Variants in NCKAP5 observed in about 807,000 individuals in gnomAD.
NCKAP5 encodes the protein NCK associated protein 5, also known as nck-associated protein 5.
A neutral mutation model predicts 167.0 loss-of-function variants in NCKAP5; 92 were observed. The observed-to-expected ratio is 0.55, with a 90% CI of 0.47 to 0.66. The LOEUF (loss-of-function observed/expected upper bound fraction) is 0.66, where lower values mean the gene tolerates loss of function less well. Among genes scored for constraint, NCKAP5 ranks in the 30% least tolerant of loss-of-function variants. The pLI is 0.00. For missense variants in NCKAP5, 2,378 were observed against 2,315.0 expected, an observed-to-expected ratio of 1.03 and a Z score of -0.56; for synonymous variants, 891 against 877.4, an observed-to-expected ratio of 1.02 and a Z score of -0.27.
intron 6 of NCKAP5, among the ~76,000 whole-genome samples, chr2:133,129,006 T>A (rs987966055): frequency 6.6e-6 from 1 of 151,064 alleles, no homozygotes; most frequent in Non-Finnish European, 1.5e-5. Flanking sequence ...TGAGGAAGAG[T>A]TTATTGAATC....
At chr2:133,210,043 T>C (rs935160026) in intron 5 of NCKAP5, among the ~76,000 whole-genome samples, 2 of 151,838 alleles carry the variant, frequency 1.3e-5, no homozygotes, top group African/African-American at 4.8e-5. Flanking sequence ...TGAGCACTTA[T>C]AATCCCAGCT....
chr2:132,759,752 T>A (rs1558731857), intron 16 of NCKAP5, among the ~76,000 whole-genome samples: 2 of 152,136 alleles, frequency 1.3e-5, no homozygotes, highest in South Asian at 2.1e-4. Flanking sequence ...AACAGCTATA[T>A]AGCTGCTTGA....
chr2:133,011,839 A>G (rs2078170743), intron 6 of NCKAP5, among the ~76,000 whole-genome samples: 1 of 151,928 alleles, frequency 6.6e-6, no homozygotes, highest in Admixed American at 6.6e-5. Flanking sequence ...TTGACACCAT[A>G]CTCTTCAGGG....
At chr2:133,638,032 C>T in the NCKAP5 span, among the ~76,000 whole-genome samples, 3 of 152,002 alleles carry the variant, frequency 2.0e-5, no homozygotes, top group Non-Finnish European at 4.4e-5. Flanking sequence ...ATTAAGATTC[C>T]GATGATAGCA....
Position 133,047,136 on chromosome 2 carries a change from G to A in NCKAP5, c.342-52897C>T, listed in dbSNP as rs368708964. The stretch of plus-strand genomic sequence containing the variant: ...TCAGCTGCCATGATGATTGCAAACT[G>A]TACACTGCCCTCACCACGCAGACTA... On this transcript the variant is annotated intron_variant, in intron 6 of 19. Coordinates refer to ENST00000409261, the MANE Select transcript of NCKAP5 (RefSeq NM_207363.3). Among the ~76,000 whole-genome samples, 32 of 152,278 alleles carry A rather than the reference G, an allele frequency of 2.1e-4. No homozygotes were observed. The East Asian group carries it at 5.4e-3, about 26-fold the overall frequency.
intron 19 of NCKAP5, among the ~76,000 whole-genome samples, chr2:132,703,704 A>G (rs1484451875): frequency 6.6e-6 from 1 of 152,234 alleles, no homozygotes; most frequent in African/African-American, 2.4e-5. Flanking sequence ...TCATTCATTC[A>G]TTCATTCAAC....
intron 19 of NCKAP5, among the ~76,000 whole-genome samples, chr2:132,713,715 A>G (rs1163662050): frequency 6.2e-5 from 9 of 144,750 alleles, no homozygotes; most frequent in Admixed American, 2.0e-4. Flanking sequence ...GGGCCAAACA[A>G]AAAAAAAAAG....
intron 5 of NCKAP5, among the ~76,000 whole-genome samples, chr2:133,145,969 T>C (rs1447732153): frequency 6.6e-6 from 1 of 152,110 alleles, no homozygotes; most frequent in African/African-American, 2.4e-5. Flanking sequence ...CCATTGAATC[T>C]TAAGCTTTCT....
intron 7 of NCKAP5, among the ~76,000 whole-genome samples, chr2:132,968,058 A>G (rs535349106): frequency 2.6e-5 from 4 of 152,212 alleles, no homozygotes; most frequent in Admixed American, 2.6e-4. Flanking sequence ...CAGCTGAGGG[A>G]GGGTCTGTGG....
rs202061575 is a variant in NCKAP5, at chr2:133,072,848, A to C, written c.341+57130T>G. 6.4e-4 allele frequency among the ~76,000 whole-genome samples: 97 copies of C among 152,350 alleles called. 1 individual carries two copies. The East Asian group carries it at 0.01, about 16-fold the overall frequency. On this transcript the variant is annotated intron_variant, in intron 6 of 19. Coordinates refer to ENST00000409261, the MANE Select transcript of NCKAP5 (RefSeq NM_207363.3). ...ACGGTATTTTAATAATTATTATAAA[A>C]TATGACTGTAGGAATAGGAAAGGAA...
chr2:133,405,634 T>A (rs957071219), intron 3 of NCKAP5, among the ~76,000 whole-genome samples: 4 of 152,248 alleles, frequency 2.6e-5, no homozygotes, highest in African/African-American at 9.6e-5. Flanking sequence ...TTTGGGGTTA[T>A]AAGTGAATTT....
intron 19 of NCKAP5, among the ~76,000 whole-genome samples, chr2:132,716,829 T>G (rs1689419208): frequency 6.6e-6 from 1 of 152,160 alleles, no homozygotes; most frequent in Non-Finnish European, 1.5e-5. Context: ...AATATGCAAC[T>G]TAAATAATTA....
intron 4 of NCKAP5, among the ~76,000 whole-genome samples, chr2:133,243,115 A>T (rs1034152268): frequency 1.3e-5 from 2 of 152,184 alleles, no homozygotes; most frequent in Admixed American, 6.5e-5. Context: ...TATATTTTTT[A>T]AAAAGGCTAG....
At chr2:132,807,902 T>C (rs1236050056) in intron 11 of NCKAP5, among the ~76,000 whole-genome samples, 1 of 152,174 alleles carries the variant, frequency 6.6e-6, no homozygotes, top group African/African-American at 2.4e-5. Flanking sequence ...TGGTCATAGA[T>C]GGCTTTTATA....
At chr2:133,600,092 G>A in the NCKAP5 span, among the ~76,000 whole-genome samples, 16 of 152,266 alleles carry the variant, frequency 1.1e-4, no homozygotes, top group South Asian at 2.3e-3. Context: ...TCTGTGTCGC[G>A]GAATTTCTTC....
the NCKAP5 span, among the ~76,000 whole-genome samples, chr2:133,579,233 G>A: frequency 6.6e-6 from 1 of 152,234 alleles, no homozygotes; most frequent in East Asian, 1.9e-4. Context: ...CAGCTACTGA[G>A]TGGGCAGAGC....
chr2:133,132,469 AT>A (rs2082636864), intron 5 of NCKAP5, among the ~76,000 whole-genome samples: 1 of 140,724 alleles, frequency 7.1e-6, no homozygotes, highest in African/African-American at 2.7e-5. Context: ...CTTTTAAAAC[AT>A]GAAAAAAAAA....
chr2:133,356,710 T>A (rs1271692157), intron 3 of NCKAP5, among the ~76,000 whole-genome samples: 1 of 152,216 alleles, frequency 6.6e-6, no homozygotes, highest in Non-Finnish European at 1.5e-5. Flanking sequence ...AAGAAGAAAG[T>A]CATTCACTCA....
At chr2:133,472,186 C>G (rs1367734557) in intron 3 of NCKAP5, among the ~76,000 whole-genome samples, 3 of 152,038 alleles carry the variant, frequency 2.0e-5, no homozygotes, top group African/African-American at 4.8e-5. Flanking sequence ...CCCTAAAATT[C>G]TGCTTGTTTC....
Sources: gnomAD v4.1 joint callset for allele counts (sites outside exome capture counted in the v4.1 genomes callset) on GRCh38, gnomAD v4.1.1 for gene constraint, MANE v1.5 for transcripts, NCBI Gene and HGNC (gene_info 2026-07-23, HGNC 2026-07-21) for gene names.